DCDC2: variants seen among roughly 807,000 people sequenced by gnomAD.
DCDC2 encodes the protein doublecortin domain containing 2.
Under a neutral mutation model 50.2 loss-of-function variants are expected in DCDC2, and 40 were observed. The observed-to-expected ratio is 0.80, with a 90% CI of 0.62 to 1.04. DCDC2 has a LOEUF of 1.04. DCDC2 is among the 50% of genes least tolerant of loss of function. The probability of loss-of-function intolerance (pLI) is 0.00; values close to 1 mark genes in which losing one functional copy is unlikely to be tolerated. For synonymous variants in DCDC2, 234 were observed against 210.6 expected, an observed-to-expected ratio of 1.11 and a Z score of -0.96; for missense variants, 570 against 581.9, an observed-to-expected ratio of 0.98 and a Z score of 0.21.
intron 2 of DCDC2, among the ~76,000 whole-genome samples, chr6:24,329,607 T>C (rs1175932549): frequency 3.3e-5 from 5 of 152,156 alleles, no homozygotes; most frequent in African/African-American, 7.2e-5. Context: ...GAATGGGGAA[T>C]TGGAGTTAGA....
At chr6:24,220,862 CAGAGAGCAAG>C (rs1344153839) in intron 7 of DCDC2, among the ~76,000 whole-genome samples, 6 of 5,306 alleles carry the variant, frequency 1.1e-3, no homozygotes, top group African/African-American at 4.2e-3. Flanking sequence ...AGGAGAGAGA[CAGAGAGCAAG>C]AGAGCGAGAG....
At chr6:24,206,972 A>C (rs793862) in intron 7 of DCDC2, among the ~76,000 whole-genome samples, 1 of 151,990 alleles carries the variant, frequency 6.6e-6, no homozygotes, top group Non-Finnish European at 1.5e-5. Context: ...AAAGGAATTC[A>C]TAAGAATAAA....
At chr6:24,197,371 A>G (rs1761468044) in intron 8 of DCDC2, among the ~76,000 whole-genome samples, 1 of 152,222 alleles carries the variant, frequency 6.6e-6, no homozygotes, top group Non-Finnish European at 1.5e-5. Flanking sequence ...TCCTTTGCTA[A>G]TAAGGCTATG....
intron 4 of DCDC2, among the ~76,000 whole-genome samples, chr6:24,292,660 G>T (rs1445696154): frequency 1.3e-5 from 2 of 152,198 alleles, no homozygotes; most frequent in African/African-American, 4.8e-5. Context: ...TTGAGCCCAG[G>T]AGTTCAAGAC....
chr6:24,359,200 A>ATATTT (rs1436539820), upstream of DCDC2, among the ~76,000 whole-genome samples: 1 of 46,054 alleles, frequency 2.2e-5, no homozygotes, highest in Admixed American at 4.0e-4. Context: ...TATATATTAT[A>ATATTT]TATATTTTAT....
intron 7 of DCDC2, among the ~76,000 whole-genome samples, chr6:24,270,659 G>A (rs1271420254): frequency 6.6e-6 from 1 of 152,070 alleles, no homozygotes; most frequent in African/African-American, 2.4e-5. Context: ...GTTGAAGAGG[G>A]AGAAAGGGTA....
chr6:24,358,272 A>G, upstream of DCDC2: 1 of 205,050 alleles, frequency 4.9e-6, no homozygotes, highest in African/African-American at 2.3e-5. Context: ...AATTAAAGCA[A>G]TTAAGTTCCT....
intron 2 of DCDC2, among the ~76,000 whole-genome samples, chr6:24,342,989 G>A (rs544911972): frequency 4.6e-5 from 7 of 151,154 alleles, no homozygotes; most frequent in African/African-American, 1.5e-4. Flanking sequence ...TGATTGGCAC[G>A]TGAGTCTTTT....
chr6:24,179,724 G>A (rs1046448090), intron 8 of DCDC2, among the ~76,000 whole-genome samples: 20 of 148,444 alleles, frequency 1.3e-4, no homozygotes, highest in African/African-American at 4.5e-4. Context: ...GGAGGCCGAG[G>A]CGGGCAGATC....
chr6:24,289,968 C>CTTTTTTTTT (rs1561760462), intron 5 of DCDC2, among the ~76,000 whole-genome samples: 1 of 100,814 alleles, frequency 9.9e-6, no homozygotes, highest in African/African-American at 3.7e-5. Flanking sequence ...GGCCAGAGCT[C>CTTTTTTTTT]TTCTTTTTTT....
At chr6:24,245,578 G>A (rs1237033138) in intron 7 of DCDC2, among the ~76,000 whole-genome samples, 1 of 152,130 alleles carries the variant, frequency 6.6e-6, no homozygotes, top group Non-Finnish European at 1.5e-5. Context: ...CTCACCTGAA[G>A]CAAATGAAAA....
intron 8 of DCDC2, among the ~76,000 whole-genome samples, chr6:24,187,062 C>A (rs1015524605): frequency 1.3e-5 from 2 of 152,126 alleles, no homozygotes; most frequent in Non-Finnish European, 2.9e-5. Flanking sequence ...GCAGCCCTAG[C>A]AAACTAATAT....
chr6:24,260,286 T>A (rs1031495101), intron 7 of DCDC2, among the ~76,000 whole-genome samples: 4 of 152,158 alleles, frequency 2.6e-5, no homozygotes, highest in African/African-American at 9.7e-5. Context: ...CCACCTCTCA[T>A]CTCTAGGCTC....
At chr6:24,322,747 C>G (rs1487472010) in intron 2 of DCDC2, among the ~76,000 whole-genome samples, 1 of 152,098 alleles carries the variant, frequency 6.6e-6, no homozygotes, top group Non-Finnish European at 1.5e-5. Context: ...CTGGAAGCCC[C>G]CACTTTGAGT....
At chr6:24,311,455 C>T (rs1284275110) in intron 2 of DCDC2, among the ~76,000 whole-genome samples, 1 of 152,116 alleles carries the variant, frequency 6.6e-6, no homozygotes, top group East Asian at 1.9e-4. Context: ...TTTAATTAAA[C>T]AACAATTAGG....
chr6:24,242,558 C>T (rs1412574070), intron 7 of DCDC2, among the ~76,000 whole-genome samples: 2 of 152,180 alleles, frequency 1.3e-5, no homozygotes, highest in Admixed American at 6.5e-5. Flanking sequence ...GAGTATTTAC[C>T]ACAGCACAGA....
the DCDC2 span, among the ~76,000 whole-genome samples, chr6:24,373,919 T>C: frequency 6.0e-5 from 9 of 149,972 alleles, no homozygotes; most frequent in Non-Finnish European, 7.4e-5. Context: ...TCCCAGCACT[T>C]TGGGAGTCCG....
intron 2 of DCDC2, among the ~76,000 whole-genome samples, chr6:24,332,931 A>C (rs1349742369): frequency 2.0e-5 from 3 of 152,216 alleles, no homozygotes; most frequent in Admixed American, 2.0e-4. Flanking sequence ...GACTTCAGCT[A>C]TGCAACCCCA....
In DCDC2 at chr6:24,261,777, G is replaced by A. The variant is rs886259576; in HGVS notation, c.922+16272C>T. On this transcript the variant is annotated intron_variant, in intron 7 of 9. Coordinates refer to ENST00000378454, the MANE Select transcript of DCDC2 (RefSeq NM_016356.5). ...TCGTCATCTACTAAGCATAGCTTTTGGTGAAACCCAAATTAAGATAAACAG... is the reference window on the plus strand; with the variant it reads ...TCGTCATCTACTAAGCATAGCTTTTAGTGAAACCCAAATTAAGATAAACAG... Among the ~76,000 whole-genome samples the A allele has an allele frequency of 2.0e-5, 3 of 152,122 alleles. No individual in the cohort carries two copies. In the East Asian group the frequency reaches 5.8e-4, roughly 29 times the overall value.
Sources: gnomAD v4.1 joint callset for allele counts (sites outside exome capture counted in the v4.1 genomes callset) on GRCh38, gnomAD v4.1.1 for gene constraint, MANE v1.5 for transcripts, NCBI Gene and HGNC (gene_info 2026-07-23, HGNC 2026-07-21) for gene names.